LOC400499: variants seen among roughly 807,000 people sequenced by gnomAD.
chr16:11,453,710 C>A, the LOC400499 span, among the ~76,000 whole-genome samples: 1 of 151,900 alleles, frequency 6.6e-6, no homozygotes, highest in East Asian at 1.9e-4. Context: ...GCCCACACCT[C>A]TAATCCCAGC....
At chr16:11,474,958 C>T in the LOC400499 span, among the ~76,000 whole-genome samples, 7 of 152,218 alleles carry the variant, frequency 4.6e-5, no homozygotes, top group Non-Finnish European at 8.8e-5. Flanking sequence ...AAGCTGCCTT[C>T]TCTTGTTCCT....
the LOC400499 span, among the ~76,000 whole-genome samples, chr16:11,517,441 C>A: frequency 5.3e-5 from 8 of 152,198 alleles, no homozygotes; most frequent in African/African-American, 1.9e-4. Flanking sequence ...CCCTCCCCTA[C>A]AGATCCCACC....
At chr16:11,468,059 C>G in the LOC400499 span, among the ~76,000 whole-genome samples, 1 of 151,928 alleles carries the variant, frequency 6.6e-6, no homozygotes. Flanking sequence ...AGACCTAGGT[C>G]AGATCCTCCC....
At chr16:11,487,486 G>T in the LOC400499 span, 1 of 397,018 alleles carries the variant, frequency 2.5e-6, no homozygotes, top group Non-Finnish European at 4.4e-6. Context: ...CAGATACATG[G>T]TGTGTCTTCC....
At chr16:11,424,292 G>A in the LOC400499 span, 1 of 399,472 alleles carries the variant, frequency 2.5e-6, no homozygotes, top group East Asian at 3.6e-5. Context: ...GTGCTGAGCA[G>A]TTGGAAGCCA....
At chr16:11,460,196 T>G in the LOC400499 span, 1 of 756,102 alleles carries the variant, frequency 1.3e-6, no homozygotes, top group South Asian at 4.8e-5. Context: ...TTTTTTTAAT[T>G]TATTACTTAT....
the LOC400499 span, among the ~76,000 whole-genome samples, chr16:11,441,951 G>C: frequency 6.6e-6 from 1 of 152,220 alleles, no homozygotes; most frequent in Non-Finnish European, 1.5e-5. Context: ...CGTTATGGCA[G>C]CCATAGCAAA....
the LOC400499 span, chr16:11,425,177 G>A: frequency 9.5e-5 from 38 of 399,044 alleles, no homozygotes; most frequent in Middle Eastern, 6.3e-4. Context: ...CAAGCTGTCC[G>A]TGCCGGGGGC....
chr16:11,506,387 T>A, the LOC400499 span, among the ~76,000 whole-genome samples: 2 of 152,180 alleles, frequency 1.3e-5, no homozygotes, highest in Non-Finnish European at 2.9e-5. Flanking sequence ...GGAAGTCTAC[T>A]CACCCACTCT....
chr16:11,449,873 C>T, the LOC400499 span, among the ~76,000 whole-genome samples: 1 of 152,260 alleles, frequency 6.6e-6, no homozygotes, highest in Non-Finnish European at 1.5e-5. Flanking sequence ...AGGATCTGGA[C>T]ACTTGCCGGC....
chr16:11,384,068 A>G, the LOC400499 span: 20 of 1,231,528 alleles, frequency 1.6e-5, 1 homozygote, highest in African/African-American at 2.8e-4. Flanking sequence ...CCCCGCGTAC[A>G]CTGGCCTCAG....
the LOC400499 span, chr16:11,469,728 T>A: frequency 2.5e-6 from 1 of 398,764 alleles, no homozygotes; most frequent in Non-Finnish European, 4.4e-6. Flanking sequence ...GACACTCACA[T>A]TGTTGTCCTC....
At chr16:11,509,120 C>CA in the LOC400499 span, among the ~76,000 whole-genome samples, 1 of 130,766 alleles carries the variant, frequency 7.6e-6, no homozygotes, top group Non-Finnish European at 1.6e-5. Context: ...CCTTTTTTTT[C>CA]TTTTTTTTTT....
At chr16:11,399,662 G>A in the LOC400499 span, 2 of 398,648 alleles carry the variant, frequency 5.0e-6, no homozygotes, top group Admixed American at 4.4e-5. Context: ...TGGAGCGAGG[G>A]GGACCCCCTC....
chr16:11,411,728 T>A, the LOC400499 span, among the ~76,000 whole-genome samples: 3 of 151,868 alleles, frequency 2.0e-5, no homozygotes, highest in African/African-American at 7.3e-5. Flanking sequence ...CCCATGGGAG[T>A]CCCAGCAGGG....
the LOC400499 span, chr16:11,387,185 C>A: frequency 8.1e-7 from 1 of 1,232,280 alleles, no homozygotes; most frequent in Non-Finnish European, 1.0e-6. Context: ...AGACAGCTCT[C>A]GGAGCGGCCG....
chr16:11,386,091 G>A, the LOC400499 span, among the ~76,000 whole-genome samples: 1 of 152,208 alleles, frequency 6.6e-6, no homozygotes, highest in Non-Finnish European at 1.5e-5. Flanking sequence ...AGCTGCTGGC[G>A]GGGATGGGGG....
the LOC400499 span, among the ~76,000 whole-genome samples, chr16:11,393,155 C>CAA: frequency 6.3e-5 from 1 of 15,952 alleles, no homozygotes; most frequent in Non-Finnish European, 2.3e-4. Context: ...CGCCTGGCCA[C>CAA]CCCCCCCCCT....
chr16:11,424,369 G>A, the LOC400499 span: 6 of 399,534 alleles, frequency 1.5e-5, no homozygotes, highest in Admixed American at 1.3e-4. Context: ...CAGCGGGCAG[G>A]AGTGGGCAGA....
Sources: allele counts gnomAD v4.1 joint callset (sites outside exome capture counted in the v4.1 genomes callset), GRCh38; gene constraint gnomAD v4.1.1; transcripts MANE v1.5.